Variants in WDR7 observed in about 807,000 individuals in gnomAD.
WDR7 encodes the protein WD repeat-containing protein 7.
Under a neutral mutation model 169.4 loss-of-function variants are expected in WDR7, and 46 were observed. The observed-to-expected ratio is 0.27, with a 90% CI of 0.21 to 0.35. WDR7 has a LOEUF of 0.35. WDR7 is among the 10% of genes least tolerant of loss of function. The pLI is 1.00. For missense variants in WDR7, 1,534 were observed against 1,859.3 expected (o/e 0.83, Z 3.22); for synonymous variants, 612 against 666.8 (o/e 0.92, Z 1.27).
chr18:56,654,928 T>C (rs546971948), intron 1 of WDR7, among the ~76,000 whole-genome samples: 2 of 152,350 alleles, frequency 1.3e-5, no homozygotes, highest in South Asian at 4.1e-4. Context: ...CCCATAGATA[T>C]GGTGTCACAC....
chr18:56,748,986 T>C (rs914827711), intron 14 of WDR7, among the ~76,000 whole-genome samples: 2 of 152,176 alleles, frequency 1.3e-5, no homozygotes, highest in East Asian at 3.9e-4. Context: ...GTACTTAAAA[T>C]ATTTAATATT....
intron 20 of WDR7, among the ~76,000 whole-genome samples, chr18:56,856,050 G>C (rs575730053): frequency 6.6e-6 from 1 of 152,310 alleles, no homozygotes; most frequent in Admixed American, 6.5e-5. Flanking sequence ...GGATGGCGAA[G>C]AAGCCAGGGG....
At chr18:56,886,960 C>T (rs897448580) in intron 21 of WDR7, among the ~76,000 whole-genome samples, 1 of 152,084 alleles carries the variant, frequency 6.6e-6, no homozygotes, top group Non-Finnish European at 1.5e-5. Context: ...AACACTGGAG[C>T]TCCCAAATTT....
intron 5 of WDR7, 131 bp downstream of exon 5, chr18:56,682,984 A>G: frequency 1.0e-6 from 1 of 974,812 alleles, no homozygotes; most frequent in South Asian, 1.7e-5. Flanking sequence ...CTACACCAAT[A>G]ATTTATGGTC....
intron 26 of WDR7, among the ~76,000 whole-genome samples, chr18:56,965,084 G>T (rs78831827): frequency 0.04 from 6,091 of 152,244 alleles, 162 homozygotes; most frequent in African/African-American, 0.075. Context: ...ATTTCTTAAA[G>T]AATCTGTTGG....
chr18:56,922,527 T>C (rs1021138147), intron 21 of WDR7, among the ~76,000 whole-genome samples: 6 of 152,204 alleles, frequency 3.9e-5, no homozygotes. Flanking sequence ...AATACAAAAG[T>C]AAAATTTACA....
At chr18:56,911,693 G>T (rs914510596) in intron 21 of WDR7, among the ~76,000 whole-genome samples, 4 of 152,106 alleles carry the variant, frequency 2.6e-5, no homozygotes, top group African/African-American at 9.7e-5. Context: ...TTAGAAAAGA[G>T]ATCAAATAAT....
chr18:56,822,690 T>A (rs1375660762), intron 20 of WDR7, among the ~76,000 whole-genome samples: 1 of 152,216 alleles, frequency 6.6e-6, no homozygotes, highest in East Asian at 1.9e-4. Context: ...GAATTTTAAG[T>A]CACTTCTAAA....
chr18:56,797,218 G>A (rs1325164657), intron 19 of WDR7, among the ~76,000 whole-genome samples: 1 of 152,152 alleles, frequency 6.6e-6, no homozygotes, highest in African/African-American at 2.4e-5. Flanking sequence ...GTTGAACTGA[G>A]CTAAGGATGC....
At chr18:56,692,029 C>T (rs2025582124) in intron 9 of WDR7, among the ~76,000 whole-genome samples, 2 of 152,124 alleles carry the variant, frequency 1.3e-5, no homozygotes, top group Admixed American at 1.3e-4. Flanking sequence ...ATTCGTTTTT[C>T]TAAGAGTACA....
chr18:56,940,327 C>A (rs1180867031), intron 25 of WDR7, among the ~76,000 whole-genome samples: 2 of 152,144 alleles, frequency 1.3e-5, no homozygotes, highest in African/African-American at 4.8e-5. Flanking sequence ...TATTTCAGCA[C>A]GTGATTGTAC....
intron 20 of WDR7, among the ~76,000 whole-genome samples, chr18:56,856,965 G>A (rs1431260320): frequency 6.6e-6 from 1 of 152,170 alleles, no homozygotes; most frequent in Non-Finnish European, 1.5e-5. Context: ...AGAAAGTTAT[G>A]TAATATAAGG....
chr18:56,752,422 C>T (rs1311028402), intron 14 of WDR7, among the ~76,000 whole-genome samples: 1 of 152,142 alleles, frequency 6.6e-6, no homozygotes. Flanking sequence ...TCCATTGCGT[C>T]CCCTTCTTGT....
chr18:56,668,691 A>G (rs1026803174), intron 1 of WDR7, among the ~76,000 whole-genome samples: 1 of 152,220 alleles, frequency 6.6e-6, no homozygotes, highest in Non-Finnish European at 1.5e-5. Context: ...TTTCTAATAA[A>G]GTAATGCAGA....
At chr18:56,897,429 T>C (rs1239856414) in intron 21 of WDR7, among the ~76,000 whole-genome samples, 1 of 151,912 alleles carries the variant, frequency 6.6e-6, no homozygotes, top group African/African-American at 2.4e-5. Flanking sequence ...GAATGAACTT[T>C]TATGAAGTTC....
intron 19 of WDR7, among the ~76,000 whole-genome samples, chr18:56,784,311 T>C (rs1270376594): frequency 6.6e-6 from 1 of 152,214 alleles, no homozygotes; most frequent in African/African-American, 2.4e-5. Flanking sequence ...TTTGGTTACA[T>C]AGATGGAGTG....
At chr18:56,858,259 C>T (rs1309067442) in intron 20 of WDR7, among the ~76,000 whole-genome samples, 1 of 152,114 alleles carries the variant, frequency 6.6e-6, no homozygotes, top group Non-Finnish European at 1.5e-5. Flanking sequence ...TGTAATAGCT[C>T]CTCTTTTCCA....
intron 26 of WDR7, among the ~76,000 whole-genome samples, chr18:57,007,225 C>T (rs1457249985): frequency 7.2e-5 from 11 of 152,110 alleles, no homozygotes; most frequent in Admixed American, 2.6e-4. Flanking sequence ...GTGATCCACC[C>T]GCCTTGGCCT....
At chr18:57,022,717 A>G (rs1365380160) in intron 27 of WDR7, among the ~76,000 whole-genome samples, 2 of 152,210 alleles carry the variant, frequency 1.3e-5, no homozygotes, top group East Asian at 3.8e-4. Context: ...TATCAAAATT[A>G]CTGCCCAGGT....
Sources: allele counts gnomAD v4.1 joint callset (sites outside exome capture counted in the v4.1 genomes callset), GRCh38; gene constraint gnomAD v4.1.1; transcripts MANE v1.5; gene names NCBI Gene and HGNC (gene_info 2026-07-23, HGNC 2026-07-21).